The following XBP1 variants were observed in gnomAD, a reference collection of about 807,000 sequenced individuals.
XBP1 encodes the protein X-box-binding protein 1.
A neutral mutation model predicts 34.6 loss-of-function variants in XBP1; 18 were observed. The observed-to-expected ratio is 0.52, with a 90% confidence interval of 0.36 to 0.77. The LOEUF is 0.77. XBP1 is among the 30% of genes least tolerant of loss of function. The probability of loss-of-function intolerance (pLI) is 0.00; values close to 1 mark genes in which losing one functional copy is unlikely to be tolerated. For missense variants in XBP1, 422 were observed against 464.6 expected, an observed-to-expected ratio of 0.91 and a Z score of 0.84; for synonymous variants, 191 against 193.4, an observed-to-expected ratio of 0.99 and a Z score of 0.11.
At chr22:28,796,910 A>G (rs1327237593) in intron 3 of XBP1, 167 bp downstream of exon 3, 1 of 738,254 alleles carries the variant, frequency 1.4e-6, no homozygotes, top group East Asian at 3.0e-5. Flanking sequence ...AATGAGTGTC[A>G]AGTGCCTTTA....
exon 6 of XBP1, chr22:28,795,379 G>C (rs990800887): frequency 3.2e-6 from 5 of 1,553,720 alleles, no homozygotes; most frequent in Middle Eastern, 3.3e-4. Flanking sequence ...CCGGAACGAG[G>C]TCATCTTCTA....
At chr22:28,799,810 A>G in intron 1 of XBP1, 1 of 600,738 alleles carries the variant, frequency 1.7e-6, no homozygotes, top group East Asian at 2.9e-5. Flanking sequence ...CAATCTCCCC[A>G]AAGACCTCAT....
intron 3 of XBP1, chr22:28,796,792 T>C (rs1026412667): frequency 2.1e-5 from 5 of 233,012 alleles, no homozygotes; most frequent in African/African-American, 9.2e-5. Flanking sequence ...TCCTTAATGA[T>C]TGCATGGTAA....
At chr22:28,798,439 G>A (rs2031792183) in intron 2 of XBP1, among the ~76,000 whole-genome samples, 1 of 151,370 alleles carries the variant, frequency 6.6e-6, no homozygotes, top group South Asian at 2.1e-4. Flanking sequence ...CTCCGGAGCA[G>A]CTGGGATTAC....
exon 6 of XBP1, chr22:28,795,355 T>A (rs2031727321): frequency 6.4e-7 from 1 of 1,551,936 alleles, no homozygotes; most frequent in African/African-American, 1.4e-5. Context: ...AAAGCAGATT[T>A]GAGATACCCA....
downstream of XBP1, chr22:28,794,717 G>A (rs1308764498): frequency 4.6e-5 from 7 of 153,228 alleles, no homozygotes; most frequent in African/African-American, 1.7e-4. Flanking sequence ...ATACATGAGG[G>A]AAAGAGCCCC....
exon 6 of XBP1, chr22:28,795,384 C>G: frequency 6.4e-7 from 1 of 1,554,788 alleles, no homozygotes; most frequent in Non-Finnish European, 8.7e-7. Flanking sequence ...ACGAGGTCAT[C>G]TTCTACAGGT....
Position 28,797,641 on chromosome 22 carries a change from A to T in XBP1, c.325-436T>A, listed in dbSNP as rs144634831. Among the ~76,000 whole-genome samples the T allele has an allele frequency of 1.1e-3, 170 of 152,030 alleles. No homozygotes were observed. In the East Asian group the frequency reaches 0.023, roughly 20 times the overall value. ...ACTAAAAAATCCAAAAATTAGCTGG[A>T]TGTGGTGAGGGGTGCCTGTAATCCC... On this transcript the variant is annotated intron_variant, in intron 2 of 5. Coordinates refer to ENST00000344347, the Ensembl canonical transcript of XBP1.
intron 2 of XBP1, among the ~76,000 whole-genome samples, chr22:28,797,489 A>T (rs1009933325): frequency 1.4e-4 from 21 of 152,068 alleles, no homozygotes; most frequent in African/African-American, 4.8e-4. Flanking sequence ...TTTTTTTTTT[A>T]AACTATCTTG....
chr22:28,799,866 G>A, intron 1 of XBP1: 1 of 690,520 alleles, frequency 1.4e-6, no homozygotes, highest in Admixed American at 2.2e-5. Context: ...CTAGACCAGT[G>A]AGCCTCGCAG....
At chr22:28,795,201 G>A in exon 6 of XBP1, 1 of 1,523,392 alleles carries the variant, frequency 6.6e-7, no homozygotes, top group East Asian at 2.4e-5. Context: ...TGGGGAAAGA[G>A]TTCATTGGCA....
chr22:28,796,061 A>G, exon 5 of XBP1: 1 of 1,614,228 alleles, frequency 6.2e-7, no homozygotes, highest in South Asian at 1.1e-5. Flanking sequence ...GAATCTGAAG[A>G]GTCAATACCG....
At chr22:28,800,464 A>G in exon 1 of XBP1, 1 of 1,477,600 alleles carries the variant, frequency 6.8e-7, no homozygotes, top group Non-Finnish European at 8.9e-7. Flanking sequence ...GGCTGCCCCG[A>G]CAGAAGCAGA....
exon 1 of XBP1, chr22:28,800,511 G>C: frequency 6.7e-7 from 1 of 1,487,574 alleles, no homozygotes; most frequent in Non-Finnish European, 8.9e-7. Flanking sequence ...CGGCGCGGCT[G>C]CCACCACCAC....
chr22:28,795,706 G>T (rs746821612), exon 6 of XBP1: 1 of 1,546,564 alleles, frequency 6.5e-7, no homozygotes, highest in Non-Finnish European at 8.7e-7. Flanking sequence ...GGTCCAAGTT[G>T]TCCAGAATGC....
At chr22:28,800,569 C>G, upstream of XBP1, 1 of 1,451,066 alleles carries the variant, frequency 6.9e-7, no homozygotes, top group Non-Finnish European at 9.0e-7. Flanking sequence ...AGCCGCCCAG[C>G]GCCCAGCCTC....
In XBP1 at chr22:28,799,037, T is replaced by G; in HGVS notation, c.324+20A>C. The G allele has an allele frequency of 6.2e-7, 1 of 1,600,068 alleles. No individual in the cohort carries two copies. The highest frequency in any genetic ancestry group is 8.6e-7 in the Non-Finnish European group (1 of 1,167,602). On this transcript the variant is annotated intron_variant, in intron 2 of 5. Coordinates refer to ENST00000344347, the Ensembl canonical transcript of XBP1. Reference sequence around the variant, plus strand: ...AAGGGTATACAATGGATAAAAGAGTTTGACCTTAAGTAGTTTTACCTCTTC... The same window carrying G: ...AAGGGTATACAATGGATAAAAGAGTGTGACCTTAAGTAGTTTTACCTCTTC...
At chr22:28,800,220 C>CAG in intron 1 of XBP1, 78 bp downstream of exon 1, 1 of 1,487,552 alleles carries the variant, frequency 6.7e-7, no homozygotes. Context: ...TGCTGGGTCC[C>CAG]CGCTCCCAGC....
At chr22:28,796,936 G>A (rs1450508712) in intron 3 of XBP1, 141 bp downstream of exon 3, 1 of 1,037,940 alleles carries the variant, frequency 9.6e-7, no homozygotes, top group African/African-American at 1.6e-5. Flanking sequence ...AGAACACTCT[G>A]CCTGCATGAA....
Sources: allele counts gnomAD v4.1 joint callset (sites outside exome capture counted in the v4.1 genomes callset), GRCh38; gene constraint gnomAD v4.1.1; transcripts MANE v1.5; gene names NCBI Gene and HGNC (gene_info 2026-07-23, HGNC 2026-07-21).